Variants in C1RL observed in about 807,000 individuals in gnomAD.
C1RL encodes the protein complement C1r subcomponent-like protein.
C1RL carries 27 observed loss-of-function variants against 27.9 expected under a neutral mutation model. The ratio of observed to expected loss-of-function variants is 0.97; its 90% CI spans 0.71 to 1.33. The LOEUF (loss-of-function observed/expected upper bound fraction) is 1.33. Ranked by LOEUF, C1RL falls within the 40% of genes most tolerant of loss-of-function variation. The pLI is 0.00. For missense variants in C1RL, 563 were observed against 623.9 expected, an observed-to-expected ratio of 0.90 and a Z score of 1.04; for synonymous variants, 248 against 252.1, an observed-to-expected ratio of 0.98 and a Z score of 0.15.
chr12:7,099,639 G>A lies in C1RL; in HGVS notation c.691+47C>T. 4 of 1,546,266 alleles carry A rather than the reference G, an allele frequency of 2.6e-6. No individual in the cohort carries two copies. In the South Asian group the frequency reaches 3.6e-5, roughly 14 times the overall value. On this transcript the variant is annotated intron_variant, in intron 5 of 5. Transcript: ENST00000266542. ...CCCCTGTGTCCTGTAGGTCCCAGTTGCAGCTGAGGCTTGTTGGGGGAATGG... is the reference window on the plus strand; with the variant it reads ...CCCCTGTGTCCTGTAGGTCCCAGTTACAGCTGAGGCTTGTTGGGGGAATGG...
At chr12:7,098,861 C>G (rs1289194065) in intron 5 of C1RL, among the ~76,000 whole-genome samples, 2 of 152,080 alleles carry the variant, frequency 1.3e-5, no homozygotes, top group East Asian at 3.9e-4. Flanking sequence ...AATGGTTTCA[C>G]AACATTGTGA....
rs1282830154 is a variant in C1RL at position 7,095,497 on chromosome 12, G to C, written c.*894C>G. The C allele has an allele frequency of 2.0e-6, 2 of 988,372 alleles. No individual in the cohort carries two copies. The highest frequency in any genetic ancestry group is 3.5e-5 in the African/African-American group (2 of 57,262). The allele number at this position is 988,372 out of a possible 1,614,324, so 61.2% of individuals were successfully genotyped here. On this transcript the variant is annotated 3_prime_UTR_variant, in exon 6 of 6. Transcript: ENST00000266542. ...CCCTGATGATAGGGGCACAGGTGGG[G>C]TGTCTGCAAGAACTTCAGTCCAGTG...
chr12:7,096,667 T>C lies in C1RL; in HGVS notation c.1188A>G (p.Val396=). ...AGGCGTTGCAGGCCTCCCTGGGAGC[T>C]ACAGGCAGCCTCGAGTACTTCAGCT... The part of the protein sequence containing the change: ...TTELKYSRLP[V]APREACNAWL... The change falls in exon 6 of 6, where the codon GTA becomes GTG. Residue 396 remains valine (V), a synonymous_variant. Coordinates refer to ENST00000266542, the MANE Select transcript of C1RL (RefSeq NM_016546.4). 6.2e-7 allele frequency: 1 copy of C among 1,614,120 alleles called. No homozygotes were observed. Among genetic ancestry groups the C allele is most frequent in the Non-Finnish European group, 8.5e-7 (1 of 1,180,010 alleles).
Position 7,094,730 on chromosome 12 carries a change from T to C in C1RL, c.*1661A>G. The C allele has an allele frequency of 1.0e-6, 1 of 980,200 alleles. No individual in the cohort carries two copies. The highest frequency in any genetic ancestry group is 1.1e-4 in the East Asian group (1 of 8,802). 60.7% of individuals were successfully genotyped at this position (980,200 alleles called of 1,614,324 possible). A position where few individuals can be genotyped will look rare whatever the true frequency, so the allele number is the denominator to read the frequency against. On this transcript the variant is annotated 3_prime_UTR_variant, in exon 6 of 6. Transcript: ENST00000266542. The stretch of plus-strand genomic sequence containing the variant: ...TCTTATCAATAAAACCACCTCTGTT[T>C]AGTATTTTGAGAGAATTATTATTAT...
chr12:7,096,281 C>A lies in C1RL; in HGVS notation c.*110G>T. 1.0e-5 allele frequency: 4 copies of A among 389,912 alleles called. No individual in the cohort carries two copies. Among genetic ancestry groups the A allele is most frequent in the Non-Finnish European group, 1.5e-5 (4 of 275,484 alleles). The allele number at this position is 389,912 out of a possible 1,614,324, so 24.2% of individuals were successfully genotyped here. The stretch of plus-strand genomic sequence containing the variant: ...TGATGTGAATAGGATTTCCCTGCCT[C>A]CCCCAACCCCCCACCCCCAACCCCT... On this transcript the variant is annotated 3_prime_UTR_variant, in exon 6 of 6. Transcript: ENST00000266542.
In C1RL at chr12:7,108,344, C is replaced by A; in HGVS notation, c.207G>T (p.Thr69=). ...EPYGKGQESS[T]DIKAPEGFAV... ...CAAAGCCCTCTGGAGCCTTGATGTC[C>A]GTGCTGCTCTCTTGGCCTTTGCCAT... The change falls in exon 2 of 6, where the codon ACG becomes ACT. Residue 69 remains threonine (T), a synonymous_variant. Coordinates refer to ENST00000266542, the MANE Select transcript of C1RL (RefSeq NM_016546.4). 6.2e-7 allele frequency: 1 copy of A among 1,614,262 alleles called. No individual in the cohort carries two copies. The highest frequency in any genetic ancestry group is 8.5e-7 in the Non-Finnish European group (1 of 1,180,036).
In C1RL at chr12:7,096,227, G is replaced by A. The variant is rs1055243813; in HGVS notation, c.*164C>T. ...GATGGGGCGGGCTTGCCGGGTGGGG[G>A]TTTCTCTTGCAGTGGCTTGGTGCAA... On this transcript the variant is annotated 3_prime_UTR_variant, in exon 6 of 6. Coordinates refer to ENST00000266542, the MANE Select transcript of C1RL (RefSeq NM_016546.4). 1 of 1,390,418 alleles carries A rather than the reference G, an allele frequency of 7.2e-7. No individual in the cohort carries two copies. Among genetic ancestry groups the A allele is most frequent in the Non-Finnish European group, 9.3e-7 (1 of 1,076,752 alleles). 86.1% of individuals were successfully genotyped at this position (1,390,418 alleles called of 1,614,324 possible). A position where few individuals can be genotyped will look rare whatever the true frequency, so the allele number is the denominator to read the frequency against.
intron 5 of C1RL, 28 bp from the exon 6 acceptor site, chr12:7,097,191 A>G: frequency 4.5e-6 from 7 of 1,566,522 alleles, no homozygotes; most frequent in Non-Finnish European, 5.2e-6. Context: ...TAGGGGTGAC[A>G]GTCAGCAGCT....
chr12:7,099,998 C>T lies in C1RL; in HGVS notation c.519G>A (p.Glu173=), dbSNP rs772913342. The T allele has an allele frequency of 1.9e-6, 3 of 1,613,434 alleles. No individual in the cohort carries two copies. The highest frequency in any genetic ancestry group is 4.5e-5 in the East Asian group (2 of 44,892). The stretch of plus-strand genomic sequence containing the variant: ...TGATGGCCTCAGAGCCCCTGCTGGC[C>T]TCGCTGATGGGCTGACTATAGTTCA... ...VAVNYSQPIS[E]ASRGSEAINA... is the part of the protein sequence containing the mutation. The change falls in exon 4 of 6, where the codon GAG becomes GAA. Residue 173 remains glutamate, a synonymous_variant. Coordinates refer to ENST00000266542, the MANE Select transcript of C1RL (RefSeq NM_016546.4).
intron 2 of C1RL, among the ~76,000 whole-genome samples, chr12:7,107,013 A>C (rs1222698064): frequency 6.6e-6 from 1 of 152,218 alleles, no homozygotes; most frequent in Non-Finnish European, 1.5e-5. Context: ...AAAATACGTA[A>C]AAATGAAAGA....
At position 7,108,489 on chromosome 12, in the gene C1RL, G is replaced by GGGGGGAGGGCAAGGT; in HGVS notation, c.72-25_72-11dup. 1 of 1,569,838 alleles carries GGGGGGAGGGCAAGGT rather than the reference G, an allele frequency of 6.4e-7. No homozygotes were observed. The highest frequency in any genetic ancestry group is 8.7e-7 in the Non-Finnish European group (1 of 1,153,724). The stretch of plus-strand genomic sequence containing the variant: ...GAGAAGCAGCCACCACCTGTGAGTT[G>GGGGGGAGGGCAAGGT]GGGGGAGGGCAAGGTGGGGCCGCGC... On this transcript the variant is annotated splice_polypyrimidine_tract_variant and intron_variant, in intron 1 of 5. Coordinates refer to ENST00000266542, the MANE Select transcript of C1RL (RefSeq NM_016546.4).
At chr12:7,105,187 G>A (rs775371027) in intron 2 of C1RL, among the ~76,000 whole-genome samples, 20 of 152,212 alleles carry the variant, frequency 1.3e-4, no homozygotes, top group Non-Finnish European at 1.9e-4. Flanking sequence ...TCACCTTGTC[G>A]ATAACCCTAT....
chr12:7,101,154 TTCCTTCCCTTCTTACTTTCCCTCTCTCCC>T (rs1938614998), intron 3 of C1RL, among the ~76,000 whole-genome samples: 1 of 97,874 alleles, frequency 1.0e-5, no homozygotes. Flanking sequence ...CCCTCCTTCC[TTCCTTCCCTTCTTACTTTCCCTCTCTCCC>T]TCCCTCCCTT....
At chr12:7,107,537 T>C (rs1938800752) in intron 2 of C1RL, among the ~76,000 whole-genome samples, 1 of 152,184 alleles carries the variant, frequency 6.6e-6, no homozygotes, top group Admixed American at 6.5e-5. Context: ...TTAAAAATTT[T>C]AAAATTAAAA....
chr12:7,108,985 G>A (rs1591602818), intron 1 of C1RL, 125 bp downstream of exon 1: 2 of 153,952 alleles, frequency 1.3e-5, no homozygotes, highest in Non-Finnish European at 2.2e-5. Context: ...GTGTGTGTGT[G>A]TGTGGGGGGG....
In C1RL at chr12:7,099,925, G is replaced by A; in HGVS notation, c.592C>T (p.Pro198Ser). 6.2e-7 allele frequency: 1 copy of A among 1,614,080 alleles called. No individual in the cohort carries two copies. The highest frequency in any genetic ancestry group is 8.5e-7 in the Non-Finnish European group (1 of 1,180,022). The change falls in exon 4 of 6, where the codon CCC becomes TCC. Residue 198 changes from proline (P) to serine (S), a missense_variant. Pro to Ser is a moderately conservative substitution (Grantham distance 74). Coordinates refer to ENST00000266542, the MANE Select transcript of C1RL (RefSeq NM_016546.4). ...CCTGCTGCCGCGGCCTGATAATAGG[G>A]CTCCTGGCAGTGGTTCTGGACCTTG... ...PAKVQNHCQE[P>S]YYQAAAAGAL...
In C1RL at chr12:7,109,173, C is replaced by A. The variant is rs745754003; in HGVS notation, c.8G>T (p.Gly3Val). Residue 3 changes from glycine (G) to valine (V), a missense_variant, in exon 1 of 6, where the codon GGA (glycine) becomes GTA (valine). By Grantham distance (109) the Gly-to-Val change is moderately radical. Coordinates refer to ENST00000266542, the MANE Select transcript of C1RL (RefSeq NM_016546.4). Reference protein sequence around the residue: MPGPRVWGKYLWR... With the variant: MPVPRVWGKYLWR... ...GAGATATTTCCCCCACACTCTGGGT[C>A]CAGGCATCTGGAACTGGACATCTGG... The A allele has an allele frequency of 1.9e-6, 3 of 1,600,862 alleles. No individual in the cohort carries two copies. In the East Asian group the frequency reaches 6.7e-5, roughly 36 times the overall value.
rs771640855 is a variant in C1RL, at chr12:7,104,430, A to G, written c.301-2343T>C. ...GTCGTTTCATTATGACGTTGACGAG[A>G]AAAAATATTGCCCCGTGTCCGGGGC... On this transcript the variant is annotated intron_variant, in intron 2 of 5. Transcript: ENST00000266542. The surrounding 1 kb of genome is among the most constrained non-coding windows in gnomAD (Gnocchi z 5.4). Among the ~76,000 whole-genome samples, 1 of 152,088 alleles carries G rather than the reference A, an allele frequency of 6.6e-6. No homozygotes were observed. The highest frequency in any genetic ancestry group is 1.5e-5 in the Non-Finnish European group (1 of 68,026).
chr12:7,108,361 C>A lies in C1RL; in HGVS notation c.190G>T (p.Gly64Cys). 1 of 1,614,268 alleles carries A rather than the reference C, an allele frequency of 6.2e-7. No individual in the cohort carries two copies. The highest frequency in any genetic ancestry group is 1.1e-5 in the South Asian group (1 of 91,090). Reference protein sequence around the residue: ...SPGYPEPYGKGQESSTDIKAP... With the variant: ...SPGYPEPYGKCQESSTDIKAP... Reference sequence around the variant, plus strand: ...TTGATGTCCGTGCTGCTCTCTTGGCCTTTGCCATACGGCTCTGGGTACCCG... The same window carrying A: ...TTGATGTCCGTGCTGCTCTCTTGGCATTTGCCATACGGCTCTGGGTACCCG... Residue 64 changes from glycine (G) to cysteine (C), a missense_variant, in exon 2 of 6, where the codon GGC (glycine) becomes TGC (cysteine). Gly to Cys is a radical substitution (Grantham distance 159). Transcript: ENST00000266542.
Sources: gnomAD v4.1 joint callset for allele counts (sites outside exome capture counted in the v4.1 genomes callset) on GRCh38, gnomAD v4.1.1 for gene constraint, Gnocchi (gnomAD v3.1) non-coding constraint, MANE v1.5 for transcripts, NCBI Gene and HGNC (gene_info 2026-07-23, HGNC 2026-07-21) for gene names.